Variants in ARHGAP31 observed in about 807,000 individuals in gnomAD.
ARHGAP31 encodes the protein rho GTPase-activating protein 31.
In ARHGAP31, 34 loss-of-function variants were observed where a neutral mutation model predicts 113.9. The ratio of observed to expected loss-of-function variants is 0.30; its 90% CI spans 0.23 to 0.40. The LOEUF is 0.40. ARHGAP31 is among the 10% of genes least tolerant of loss of function. ARHGAP31 has a pLI of 1.00. For missense variants in ARHGAP31, 1,548 were observed against 1,767.1 expected (o/e 0.88, Z 2.22); for synonymous variants, 650 against 684.8 (o/e 0.95, Z 0.79).
rs143809492 is a variant in ARHGAP31 at position 119,307,231 on chromosome 3, C to A, written c.100+12227C>A. On this transcript the variant is annotated intron_variant, in intron 1 of 11. Coordinates refer to ENST00000264245, the MANE Select transcript of ARHGAP31 (RefSeq NM_020754.4). ...AAACCTCTCTATGCCTCAGTTTCTTCATCTGTAAAGTGGAGATTATGATGA... is the reference window on the plus strand; with the variant it reads ...AAACCTCTCTATGCCTCAGTTTCTTAATCTGTAAAGTGGAGATTATGATGA... 3.2e-3 allele frequency among the ~76,000 whole-genome samples: 492 copies of A among 152,274 alleles called. 5 individuals carry two copies. The highest frequency in any genetic ancestry group is 0.01 in the African/African-American group (431 of 41,552).
intron 5 of ARHGAP31, 117 bp from the exon 6 acceptor site, chr3:119,382,967 T>G (rs1329013627): frequency 7.6e-7 from 1 of 1,321,050 alleles, no homozygotes; most frequent in Non-Finnish European, 1.1e-6. Flanking sequence ...ATTAAAATAT[T>G]CTATGAACTG....
intron 1 of ARHGAP31, 91 bp downstream of exon 1, chr3:119,295,095 C>A: frequency 2.5e-6 from 3 of 1,192,134 alleles, no homozygotes; most frequent in Non-Finnish European, 3.7e-6. Context: ...AGTCGGTTCA[C>A]AAGTTAATGT....
intron 8 of ARHGAP31, among the ~76,000 whole-genome samples, chr3:119,395,351 GC>G (rs2107637529): frequency 6.6e-6 from 1 of 152,272 alleles, no homozygotes; most frequent in East Asian, 1.9e-4. Context: ...GAATTTACTG[GC>G]TTCTGCAGTT....
intron 1 of ARHGAP31, among the ~76,000 whole-genome samples, chr3:119,354,678 A>ATTTTTTTTTTT (rs762067141): frequency 4.7e-5 from 6 of 127,234 alleles, no homozygotes; most frequent in African/African-American, 9.0e-5. Context: ...TGCCGGGCTA[A>ATTTTTTTTTTT]TTTTTTTTTT....
At chr3:119,325,005 A>G (rs1216652241) in intron 1 of ARHGAP31, 2 of 456,122 alleles carry the variant, frequency 4.4e-6, no homozygotes, top group African/African-American at 4.0e-5. Context: ...CATAGTGTGG[A>G]CTTATATGAT....
intron 6 of ARHGAP31, among the ~76,000 whole-genome samples, chr3:119,385,448 C>A (rs2080441189): frequency 6.6e-6 from 1 of 152,100 alleles, no homozygotes; most frequent in South Asian, 2.1e-4. Flanking sequence ...GTTTTCAATT[C>A]TCTTTATTAT....
At chr3:119,406,246 G>A (rs922937530) in intron 10 of ARHGAP31, among the ~76,000 whole-genome samples, 4 of 152,090 alleles carry the variant, frequency 2.6e-5, no homozygotes, top group Non-Finnish European at 5.9e-5. Context: ...ACCTCAAACA[G>A]GAGTCCATAT....
At chr3:119,408,298 G>A (rs1320524918) in intron 10 of ARHGAP31, among the ~76,000 whole-genome samples, 2 of 152,156 alleles carry the variant, frequency 1.3e-5, no homozygotes, top group Non-Finnish European at 2.9e-5. Flanking sequence ...CTGAATTTCA[G>A]GAAATAAGCC....
chr3:119,330,565 G>A (rs1368585912), intron 1 of ARHGAP31, among the ~76,000 whole-genome samples: 1 of 152,132 alleles, frequency 6.6e-6, no homozygotes, highest in Non-Finnish European at 1.5e-5. Context: ...CTCTAGTTTT[G>A]GAACCATAAA....
chr3:119,366,867 C>A (rs758601688), intron 2 of ARHGAP31, among the ~76,000 whole-genome samples: 1 of 151,860 alleles, frequency 6.6e-6, no homozygotes, highest in South Asian at 2.1e-4. Flanking sequence ...TCTGGGAGGC[C>A]GAGACGGGTG....
At chr3:119,382,673 G>A (rs1323501418) in intron 5 of ARHGAP31, among the ~76,000 whole-genome samples, 1 of 152,130 alleles carries the variant, frequency 6.6e-6, no homozygotes, top group East Asian at 1.9e-4. Flanking sequence ...TTCTTGAAAA[G>A]GCCTTTATTG....
chr3:119,378,776 G>A (rs2080371329), intron 3 of ARHGAP31, among the ~76,000 whole-genome samples: 1 of 152,190 alleles, frequency 6.6e-6, no homozygotes, highest in South Asian at 2.1e-4. Flanking sequence ...CCACAATCAT[G>A]TTTTCCAAAT....
intron 1 of ARHGAP31, among the ~76,000 whole-genome samples, chr3:119,302,112 A>G (rs757088002): frequency 1.6e-4 from 24 of 152,322 alleles, no homozygotes; most frequent in African/African-American, 4.6e-4. Flanking sequence ...GTCCTACCCA[A>G]TTTCCTGAGC....
rs1280245273 is a variant in ARHGAP31 at position 119,382,006 on chromosome 3, A to AT, written c.432-286_432-285insT. 2.7e-5 allele frequency among the ~76,000 whole-genome samples: 4 copies of AT among 148,214 alleles called. No individual in the cohort carries two copies. The East Asian group carries it at 7.8e-4, about 29-fold the overall frequency. ...GTCTCAAAAAAAAAAAAAAAAAAAA[A>AT]AAGCCTTCAGGCTCTGAGGTGCTGT... On this transcript the variant is annotated intron_variant, in intron 4 of 11. Coordinates refer to ENST00000264245, the MANE Select transcript of ARHGAP31 (RefSeq NM_020754.4).
Position 119,413,981 on chromosome 3 carries a change from T to G in ARHGAP31, c.2052T>G (p.Pro684=), listed in dbSNP as rs975982156. The G allele has an allele frequency of 1.3e-5, 21 of 1,614,172 alleles. No homozygotes were observed. The highest frequency in any genetic ancestry group is 1.8e-5 in the Non-Finnish European group (21 of 1,180,032). Residue 684 remains proline, a synonymous_variant, in exon 12 of 12, where the codon CCT becomes CCG. Coordinates refer to ENST00000264245, the MANE Select transcript of ARHGAP31 (RefSeq NM_020754.4). ...PPALKTSPIQ[P]ILESSLGPFI... ...CTCTGAAGACCAGCCCAATTCAGCC[T>G]ATTCTCGAGTCGAGTCTGGGGCCCT...
chr3:119,305,044 T>C (rs2079619496), intron 1 of ARHGAP31, among the ~76,000 whole-genome samples: 1 of 152,244 alleles, frequency 6.6e-6, no homozygotes, highest in African/African-American at 2.4e-5. Context: ...TGGAAAGTTC[T>C]GTTTTGTCCC....
chr3:119,352,717 T>C (rs1300031424), intron 1 of ARHGAP31, among the ~76,000 whole-genome samples: 1 of 152,234 alleles, frequency 6.6e-6, no homozygotes, highest in Non-Finnish European at 1.5e-5. Context: ...GTATTGGACA[T>C]TATTCTACAG....
chr3:119,409,436 G>A, intron 10 of ARHGAP31, 60 bp from the exon 11 acceptor site: 1 of 1,593,588 alleles, frequency 6.3e-7, no homozygotes, highest in Non-Finnish European at 8.6e-7. Flanking sequence ...TGACTGTGTT[G>A]GGAAGAGTCT....
chr3:119,349,148 C>A (rs1027906310), intron 1 of ARHGAP31, among the ~76,000 whole-genome samples: 3 of 151,946 alleles, frequency 2.0e-5, no homozygotes, highest in Non-Finnish European at 2.9e-5. Context: ...AGTCTCTCTG[C>A]AGAAAGCATA....
Sources: allele counts gnomAD v4.1 joint callset (sites outside exome capture counted in the v4.1 genomes callset), GRCh38; gene constraint gnomAD v4.1.1; transcripts MANE v1.5; gene names NCBI Gene and HGNC (gene_info 2026-07-23, HGNC 2026-07-21).